GNAT2: variants seen among roughly 807,000 people sequenced by gnomAD.
GNAT2 encodes the protein guanine nucleotide-binding protein G(t) subunit alpha-2.
GNAT2 carries 32 observed loss-of-function variants against 40.9 expected under a neutral mutation model. The ratio of observed to expected loss-of-function variants is 0.78; its 90% CI spans 0.59 to 1.05. GNAT2 has a LOEUF of 1.05. GNAT2 is among the 50% of genes least tolerant of loss of function. The pLI is 0.00. For synonymous variants in GNAT2, 141 were observed against 157.2 expected (o/e 0.90, Z 0.77); for missense variants, 355 against 431.5 (o/e 0.82, Z 1.57).
At chr1:109,610,315 A>G in intron 3 of GNAT2, 134 bp from the exon 4 acceptor site, 1 of 1,219,684 alleles carries the variant, frequency 8.2e-7, no homozygotes, top group Admixed American at 1.7e-5. Flanking sequence ...GTGGAGGGTG[A>G]GGGACAAGGG....
At chr1:109,606,129 T>A in intron 6 of GNAT2, 30 bp from the exon 7 acceptor site, 1 of 1,613,500 alleles carries the variant, frequency 6.2e-7, no homozygotes, top group Non-Finnish European at 8.5e-7. Flanking sequence ...TTTTCATAGG[T>A]ATGCCCAACA....
chr1:109,605,957 A>C lies in GNAT2; in HGVS notation c.720+13T>G. On this transcript the variant is annotated intron_variant, in intron 7 of 8. Coordinates refer to ENST00000679935, the MANE Select transcript of GNAT2 (RefSeq NM_001377295.2). ...TTGTTCTACCAAAGCTGCTTGATGC[A>C]AAGGCCACTCACCACTTCGTCATCT... 6.2e-7 allele frequency: 1 copy of C among 1,612,814 alleles called. No individual in the cohort carries two copies. The highest frequency in any genetic ancestry group is 8.5e-7 in the Non-Finnish European group (1 of 1,179,180).
chr1:109,610,291 A>T, intron 3 of GNAT2, 110 bp from the exon 4 acceptor site: 1 of 1,319,216 alleles, frequency 7.6e-7, no homozygotes, highest in Non-Finnish European at 1.1e-6. Flanking sequence ...CTCTGTTGCT[A>T]CTGCTTTCTC....
intron 1 of GNAT2, chr1:109,613,966 T>A (rs1222704074): frequency 6.6e-6 from 1 of 152,338 alleles, no homozygotes; most frequent in African/African-American, 2.4e-5. Flanking sequence ...AAAATGAGGG[T>A]GCAGTCTAGC....
At position 109,612,866 on chromosome 1, in the gene GNAT2, C is replaced by T; in HGVS notation, c.5G>A (p.Gly2Glu). 2 of 1,598,338 alleles carry T rather than the reference C, an allele frequency of 1.3e-6. No individual in the cohort carries two copies. The highest frequency in any genetic ancestry group is 1.7e-6 in the Non-Finnish European group (2 of 1,165,794). ...TTTGTCCTCAGCACTGGCTCCACTT[C>T]CCATATTTGCCGTCTTGTCAGCTTT... MGSGASAEDKEL... is the reference protein window; with the variant it reads MESGASAEDKEL... Residue 2 changes from glycine (G) to glutamate (E), a missense_variant, in exon 2 of 9, where the codon GGA (glycine) becomes GAA (glutamate). By Grantham distance (98) the Gly-to-Glu change is moderately conservative. Transcript: ENST00000679935.
chr1:109,608,983 C>G, intron 4 of GNAT2, 195 bp from the exon 5 acceptor site: 1 of 643,790 alleles, frequency 1.6e-6, no homozygotes, highest in Non-Finnish European at 2.8e-6. Context: ...GAGGGTGGCA[C>G]TATACCCAGC....
chr1:109,606,287 C>T, intron 6 of GNAT2, 21 bp downstream of exon 6: 4 of 1,613,060 alleles, frequency 2.5e-6, no homozygotes, highest in Non-Finnish European at 3.4e-6. Context: ...TCCGAGATGC[C>T]CTAGGGAACC....
intron 8 of GNAT2, 48 bp downstream of exon 8, chr1:109,603,901 CCA>C (rs758629557): frequency 7.5e-7 from 1 of 1,332,672 alleles, no homozygotes; most frequent in Non-Finnish European, 1.1e-6. Flanking sequence ...GAGACAATTG[CCA>C]GTCTCTACTA....
At chr1:109,619,199 G>C (rs1024617402) in intron 1 of GNAT2, among the ~76,000 whole-genome samples, 6 of 152,246 alleles carry the variant, frequency 3.9e-5, no homozygotes, top group African/African-American at 1.4e-4. Flanking sequence ...CTAAAGCAAT[G>C]GTAATACATG....
Position 109,606,298 on chromosome 1 carries a change from A to G in GNAT2, c.590+10T>C. 1.9e-6 allele frequency: 3 copies of G among 1,613,656 alleles called. No individual in the cohort carries two copies. The highest frequency in any genetic ancestry group is 2.5e-6 in the Non-Finnish European group (3 of 1,179,588). On this transcript the variant is annotated intron_variant, in intron 6 of 8. Transcript: ENST00000679935. ...TGTATCCGAGATGCCCTAGGGAACC[A>G]TGCACTTACCTGAAATTCAAGTCTT... is the stretch of plus-strand genomic sequence containing the variant.
chr1:109,608,866 G>T, intron 4 of GNAT2, 78 bp from the exon 5 acceptor site: 1 of 1,101,080 alleles, frequency 9.1e-7, no homozygotes, highest in Non-Finnish European at 1.4e-6. Context: ...CTGCTGAATG[G>T]AAATCATTTT....
At chr1:109,612,401 T>TC in intron 2 of GNAT2, 1 of 355,972 alleles carries the variant, frequency 2.8e-6, no homozygotes, top group Non-Finnish European at 5.5e-6. Flanking sequence ...GGCTTAGAGT[T>TC]CTCTGCAGAT....
In GNAT2 at chr1:109,610,694, G is replaced by A; in HGVS notation, c.119-187C>T. The A allele has an allele frequency of 6.0e-6, 4 of 664,066 alleles. No homozygotes were observed. The South Asian group carries it at 6.6e-5, about 11-fold the overall frequency. The allele number at this position is 664,066 out of a possible 1,614,324, so 41.1% of individuals were successfully genotyped here. A position where few individuals can be genotyped will look rare whatever the true frequency, so the allele number is the denominator to read the frequency against. Reference sequence around the variant, plus strand: ...GGCCATTCAACCTGGATTTAGAGCAGTTTCTTAACTTCAGTACTATTTAGT... The same window carrying A: ...GGCCATTCAACCTGGATTTAGAGCAATTTCTTAACTTCAGTACTATTTAGT... On this transcript the variant is annotated intron_variant, in intron 2 of 8. Transcript: ENST00000679935.
At chr1:109,617,556 T>G (rs1649986213) in intron 1 of GNAT2, 1 of 151,760 alleles carries the variant, frequency 6.6e-6, no homozygotes, top group Admixed American at 6.6e-5. Context: ...TGGTATGGAG[T>G]GGGTGGAGGG....
intron 4 of GNAT2, 52 bp from the exon 5 acceptor site, chr1:109,608,840 G>T (rs1488264250): frequency 3.5e-6 from 5 of 1,446,556 alleles, no homozygotes; most frequent in Admixed American, 3.4e-5. Context: ...AGCTTTCCAG[G>T]AGGCTTCTGG....
At chr1:109,611,810 T>A (rs1649805522) in intron 2 of GNAT2, 1 of 152,168 alleles carries the variant, frequency 6.6e-6, no homozygotes, top group Non-Finnish European at 1.5e-5. Flanking sequence ...CTGGTCCAGC[T>A]TACAAAGATA....
chr1:109,604,200 A>G, intron 7 of GNAT2, 96 bp from the exon 8 acceptor site: 1 of 953,686 alleles, frequency 1.0e-6, no homozygotes, highest in South Asian at 1.3e-5. Flanking sequence ...CCAGTGCTCC[A>G]AATGTAAAAA....
At chr1:109,613,957 A>G (rs1327209984) in intron 1 of GNAT2, 1 of 152,244 alleles carries the variant, frequency 6.6e-6, no homozygotes, top group Admixed American at 6.5e-5. Flanking sequence ...CCTGGGGGAA[A>G]AATGAGGGTG....
At chr1:109,607,993 T>C (rs558069597) in intron 5 of GNAT2, 2 of 161,854 alleles carry the variant, frequency 1.2e-5, no homozygotes, top group South Asian at 3.2e-4. Context: ...CCCATACTTG[T>C]CTATGATCCC....
Sources: gnomAD v4.1 joint callset for allele counts (sites outside exome capture counted in the v4.1 genomes callset) on GRCh38, gnomAD v4.1.1 for gene constraint, MANE v1.5 for transcripts, NCBI Gene and HGNC (gene_info 2026-07-23, HGNC 2026-07-21) for gene names.